TEX9: variants seen among roughly 807,000 people sequenced by gnomAD.
The protein encoded by TEX9 is testis expressed 9.
A neutral mutation model predicts 59.6 loss-of-function variants in TEX9; 74 were observed. The observed-to-expected ratio is 1.24, with a 90% CI of 1.03 to 1.51. The LOEUF (loss-of-function observed/expected upper bound fraction) is 1.51, where lower values mean the gene tolerates loss of function less well. Ranked by LOEUF, TEX9 falls within the 40% of genes most tolerant of loss-of-function variation. The pLI is 0.00. For missense variants in TEX9, 522 were observed against 447.8 expected (o/e 1.17, Z -1.49); for synonymous variants, 186 against 152.2 (o/e 1.22, Z -1.64).
At chr15:56,439,287 G>A (rs565946755) in intron 12 of TEX9, among the ~76,000 whole-genome samples, 1 of 151,964 alleles carries the variant, frequency 6.6e-6, no homozygotes, top group Non-Finnish European at 1.5e-5. Flanking sequence ...TAAAGGGAGA[G>A]CCAAATTGTG....
At chr15:56,444,692 T>A (rs2140359829) in intron 12 of TEX9, 1 of 1,590,782 alleles carries the variant, frequency 6.3e-7, no homozygotes, top group East Asian at 2.2e-5. Context: ...AAAACAAAAT[T>A]GATCTTTCCG....
At chr15:56,356,839 G>C (rs1017065494) in intron 1 of TEX9, among the ~76,000 whole-genome samples, 1 of 152,090 alleles carries the variant, frequency 6.6e-6, no homozygotes, top group African/African-American at 2.4e-5. Flanking sequence ...CCTGGTTGTG[G>C]TTTGGCATCA....
At chr15:56,293,792 A>G (rs553553855) in intron 1 of TEX9, among the ~76,000 whole-genome samples, 5 of 152,360 alleles carry the variant, frequency 3.3e-5, no homozygotes, top group African/African-American at 1.2e-4. Flanking sequence ...TGTGGCTGGA[A>G]GGATTTAACA....
At chr15:56,317,150 C>T (rs769775416) in intron 1 of TEX9, among the ~76,000 whole-genome samples, 1 of 152,194 alleles carries the variant, frequency 6.6e-6, no homozygotes, top group Non-Finnish European at 1.5e-5. Context: ...CGGAGCTGTT[C>T]CTATTTGGCC....
chr15:56,255,459 T>A lies in TEX9; in HGVS notation c.-107+11181T>A, dbSNP rs529199670. Among the ~76,000 whole-genome samples, 11 of 151,926 alleles carry A rather than the reference T, an allele frequency of 7.2e-5. No individual in the cohort carries two copies. The East Asian group carries it at 1.9e-3, about 27-fold the overall frequency. On this transcript the variant is annotated intron_variant, in intron 1 of 5. Transcript: ENST00000560827. ...ATCAGTGATTCCAGTACATGACACATGGACAGAATTTCTTTAATAAAAAAA... is the reference window on the plus strand; with the variant it reads ...ATCAGTGATTCCAGTACATGACACAAGGACAGAATTTCTTTAATAAAAAAA...
downstream of TEX9, among the ~76,000 whole-genome samples, chr15:56,449,235 T>TC (rs2050931449): frequency 6.6e-6 from 1 of 152,130 alleles, no homozygotes; most frequent in Non-Finnish European, 1.5e-5. Flanking sequence ...CCTGTCTTCT[T>TC]CTCAGTGTCA....
chr15:56,365,401 T>C, upstream of TEX9: 3 of 1,592,696 alleles, frequency 1.9e-6, no homozygotes, highest in East Asian at 4.5e-5. Context: ...GTGGAAACTC[T>C]CGCGGGAAGA....
At chr15:56,399,312 G>A (rs943610284) in intron 9 of TEX9, among the ~76,000 whole-genome samples, 12 of 152,232 alleles carry the variant, frequency 7.9e-5, no homozygotes, top group East Asian at 7.7e-4. Context: ...ATTCTCTCCC[G>A]TGCCTGGCTT....
chr15:56,263,849 C>G (rs748893277), intron 1 of TEX9, among the ~76,000 whole-genome samples: 4 of 152,078 alleles, frequency 2.6e-5, no homozygotes, highest in Non-Finnish European at 4.4e-5. Context: ...AATTATACAT[C>G]TCAGTTCATT....
At chr15:56,457,009 T>C in the TEX9 span, among the ~76,000 whole-genome samples, 1 of 152,206 alleles carries the variant, frequency 6.6e-6, no homozygotes, top group Admixed American at 6.5e-5. Context: ...ATTCAAGCTT[T>C]CCCAATTGTC....
rs71110391 is a variant in TEX9, at chr15:56,426,589, G to GTATATATATATA, written c.964-989_964-978dup. ...TTTTTTTTTTTTTTTTTGAAAAGGTGTATATATATATATATATATATATAT... is the reference window on the plus strand; with the variant it reads ...TTTTTTTTTTTTTTTTTGAAAAGGTGTATATATATATATATATATATATATATATATATATAT... On this transcript the variant is annotated intron_variant, in intron 10 of 12. Coordinates refer to ENST00000352903, the Ensembl canonical transcript of TEX9. 7.0e-3 allele frequency among the ~76,000 whole-genome samples: 171 copies of GTATATATATATA among 24,262 alleles called. 7 individuals are homozygous for GTATATATATATA. Among genetic ancestry groups the GTATATATATATA allele is most frequent in the Non-Finnish European group, 0.021 (120 of 5,750 alleles). The allele number at this position is 24,262 out of a possible 152,430, so 15.9% of individuals were successfully genotyped here.
chr15:56,318,170 A>G (rs2045821861), intron 1 of TEX9, among the ~76,000 whole-genome samples: 1 of 151,984 alleles, frequency 6.6e-6, no homozygotes, highest in Non-Finnish European at 1.5e-5. Flanking sequence ...TTAGGTGCAT[A>G]TATATTTGTA....
intron 1 of TEX9, among the ~76,000 whole-genome samples, chr15:56,263,336 T>C (rs1277531206): frequency 6.6e-6 from 1 of 152,200 alleles, no homozygotes; most frequent in East Asian, 1.9e-4. Flanking sequence ...GGTTGTTTTT[T>C]TAAAATACAG....
intron 1 of TEX9, among the ~76,000 whole-genome samples, chr15:56,268,300 A>T (rs1160198075): frequency 2.0e-5 from 3 of 152,096 alleles, no homozygotes; most frequent in Non-Finnish European, 2.9e-5. Context: ...TCTTTTCCTA[A>T]TTGAATACCC....
intron 1 of TEX9, among the ~76,000 whole-genome samples, chr15:56,265,191 A>T (rs2044352354): frequency 1.4e-5 from 2 of 144,328 alleles, no homozygotes; most frequent in African/African-American, 2.6e-5. Flanking sequence ...ACAGGGTCTC[A>T]CTGTGGAGTG....
intron 1 of TEX9, among the ~76,000 whole-genome samples, chr15:56,263,381 G>A (rs8041422): frequency 2.0e-5 from 3 of 151,926 alleles, no homozygotes; most frequent in Non-Finnish European, 4.4e-5. Context: ...GGTGTGCTTA[G>A]TCCGTTCATA....
At chr15:56,298,628 C>G (rs773476493) in intron 1 of TEX9, among the ~76,000 whole-genome samples, 2 of 152,156 alleles carry the variant, frequency 1.3e-5, no homozygotes, top group Non-Finnish European at 2.9e-5. Flanking sequence ...CTGTCCATCC[C>G]TTTATTGCTG....
chr15:56,426,509 G>A (rs1299464823), intron 10 of TEX9, among the ~76,000 whole-genome samples: 1 of 146,328 alleles, frequency 6.8e-6, no homozygotes, highest in Non-Finnish European at 1.5e-5. Context: ...GCAAAGGCCT[G>A]GAGCTTCCTA....
chr15:56,364,132 G>A (rs115597292), upstream of TEX9, among the ~76,000 whole-genome samples: 4,198 of 151,812 alleles, frequency 0.028, 196 homozygotes, highest in African/African-American at 0.095. Context: ...ATAATGTCTA[G>A]TTTATCTATT....
Sources: allele counts gnomAD v4.1 joint callset (sites outside exome capture counted in the v4.1 genomes callset), GRCh38; gene constraint gnomAD v4.1.1; transcripts MANE v1.5; gene names NCBI Gene and HGNC (gene_info 2026-07-23, HGNC 2026-07-21).